Variants in PPP1CC observed in about 807,000 individuals in gnomAD.
The protein encoded by PPP1CC is serine/threonine-protein phosphatase PP1-gamma catalytic subunit.
PPP1CC carries 16 observed loss-of-function variants against 38.4 expected under a neutral mutation model. The observed-to-expected ratio is 0.42, with a 90% CI of 0.28 to 0.63. The LOEUF is 0.63. Ranked by LOEUF, PPP1CC falls within the 30% of genes least tolerant of loss-of-function variation. The pLI, the probability that PPP1CC is intolerant of heterozygous loss-of-function variation, is 0.25. For missense variants in PPP1CC, 170 were observed against 391.3 expected, an observed-to-expected ratio of 0.43 and a Z score of 4.77; for synonymous variants, 158 against 136.0, an observed-to-expected ratio of 1.16 and a Z score of -1.13.
In PPP1CC at chr12:110,724,265, C is replaced by A. The variant is rs192994652; in HGVS notation, c.523+395G>T. On this transcript the variant is annotated intron_variant, in intron 4 of 6. Coordinates refer to ENST00000335007, the MANE Select transcript of PPP1CC (RefSeq NM_002710.4). ...AAAACAAAAACAAAAACAAAAAAAA[C>A]CAAAAACTTTTCTAAGCCGGGCACA... is the stretch of plus-strand genomic sequence containing the variant. Among the ~76,000 whole-genome samples, 727 of 151,698 alleles carry A rather than the reference C, an allele frequency of 4.8e-3. 8 individuals carry two copies. The highest frequency in any genetic ancestry group is 4.8e-3 in the Non-Finnish European group (328 of 67,888).
chr12:110,731,456 A>G (rs2069871307), intron 2 of PPP1CC, among the ~76,000 whole-genome samples: 1 of 152,128 alleles, frequency 6.6e-6, no homozygotes, highest in African/African-American at 2.4e-5. Context: ...GTGTTGCTTT[A>G]AACTTAAACA....
chr12:110,735,300 A>C lies in PPP1CC; in HGVS notation c.56-3399T>G, dbSNP rs144921110. On this transcript the variant is annotated intron_variant, in intron 1 of 6. Transcript: ENST00000335007. ...TTTACTGAGCACTTATCCACTAGGC[A>C]CTGTACTAAGGGCTTTATATTGCCA... Among the ~76,000 whole-genome samples the C allele has an allele frequency of 5.3e-4, 80 of 152,238 alleles. No homozygotes were observed. In the East Asian group the frequency reaches 0.014, roughly 27 times the overall value.
the PPP1CC span, among the ~76,000 whole-genome samples, chr12:110,711,615 T>C: frequency 6.6e-6 from 1 of 152,038 alleles, no homozygotes; most frequent in South Asian, 2.1e-4. Flanking sequence ...TTCTTTTGTA[T>C]TAAGACATTT....
chr12:110,741,253 A>AT (rs2070014285), intron 1 of PPP1CC, among the ~76,000 whole-genome samples: 1 of 152,126 alleles, frequency 6.6e-6, no homozygotes, highest in African/African-American at 2.4e-5. Flanking sequence ...AAAGGACGAG[A>AT]TATTTTCAGG....
intron 1 of PPP1CC, among the ~76,000 whole-genome samples, chr12:110,733,592 G>A (rs2069907471): frequency 6.6e-6 from 1 of 152,088 alleles, no homozygotes; most frequent in South Asian, 2.1e-4. Flanking sequence ...TCAGAGATCA[G>A]TAAAAAGCAA....
chr12:110,740,152 T>A (rs1204205191), intron 1 of PPP1CC, among the ~76,000 whole-genome samples: 1 of 152,198 alleles, frequency 6.6e-6, no homozygotes, highest in African/African-American at 2.4e-5. Context: ...CTCAACTAGG[T>A]TATACTGCTC....
intron 6 of PPP1CC, 136 bp downstream of exon 6, chr12:110,721,999 T>C (rs528530740): frequency 9.8e-7 from 1 of 1,016,202 alleles, no homozygotes; most frequent in African/African-American, 1.6e-5. Flanking sequence ...TCAACTATAA[T>C]ACACACTGGT....
rs78987759 is a variant in PPP1CC at position 110,742,425 on chromosome 12, G to A, written c.55+228C>T. The stretch of plus-strand genomic sequence containing the variant: ...CGGCCGGGAGGAAGCCTGCATCCTC[G>A]TGCAATGAATGAGCGGAGCCTGGAG... On this transcript the variant is annotated intron_variant, in intron 1 of 6. Transcript: ENST00000335007. Among the ~76,000 whole-genome samples the A allele has an allele frequency of 8.6e-4, 131 of 152,270 alleles. 1 individual carries two copies. The East Asian group carries it at 0.018, about 21-fold the overall frequency.
At position 110,719,912 on chromosome 12, in the gene PPP1CC, A is replaced by G; in HGVS notation, c.*1164T>C. On this transcript the variant is annotated 3_prime_UTR_variant, in exon 7 of 7. Coordinates refer to ENST00000335007, the MANE Select transcript of PPP1CC (RefSeq NM_002710.4). ...AAATAGACACTGAGAAGATTTAACA[A>G]GTTCATCATTTAATAAGTCTGAATT... 2.0e-6 allele frequency: 1 copy of G among 493,962 alleles called. No individual in the cohort carries two copies. The highest frequency in any genetic ancestry group is 3.5e-5 in the South Asian group (1 of 28,854). 30.6% of individuals were successfully genotyped at this position (493,962 alleles called of 1,614,324 possible).
rs749688578 is a variant in PPP1CC at position 110,730,646 on chromosome 12, A to G, written c.301T>C (p.Leu101=). The G allele has an allele frequency of 6.2e-7, 1 of 1,614,178 alleles. No homozygotes were observed. Among genetic ancestry groups the G allele is most frequent in the East Asian group, 2.2e-5 (1 of 44,884 alleles). The part of the protein sequence containing the change: ...GDYVDRGKQS[L]ETICLLLAYK... Reference sequence around the variant, plus strand: ...GCCAGTAAGAGGCAGATCGTCTCCAATGACTGCTTTCCCCTGTCCACATAG... The same window carrying G: ...GCCAGTAAGAGGCAGATCGTCTCCAGTGACTGCTTTCCCCTGTCCACATAG... The change falls in exon 3 of 7, where the codon TTG becomes CTG. Residue 101 remains leucine (L), a synonymous_variant. Coordinates refer to ENST00000335007, the MANE Select transcript of PPP1CC (RefSeq NM_002710.4).
intron 4 of PPP1CC, 107 bp downstream of exon 4, chr12:110,724,553 G>C: frequency 2.9e-6 from 2 of 688,126 alleles, no homozygotes. Context: ...CAACAAAGGA[G>C]AGTGTTCTGT....
At chr12:110,709,206 C>G in the PPP1CC span, among the ~76,000 whole-genome samples, 1 of 152,056 alleles carries the variant, frequency 6.6e-6, no homozygotes, top group Non-Finnish European at 1.5e-5. Context: ...CATAAAATAA[C>G]CATGTTTATT....
intron 4 of PPP1CC, among the ~76,000 whole-genome samples, chr12:110,723,332 G>T (rs1490874044): frequency 6.6e-6 from 1 of 151,766 alleles, no homozygotes; most frequent in African/African-American, 2.4e-5. Flanking sequence ...TAAAAACCAT[G>T]TATCCAACTC....
intron 3 of PPP1CC, among the ~76,000 whole-genome samples, chr12:110,729,866 T>G (rs2069852410): frequency 6.6e-6 from 1 of 152,194 alleles, no homozygotes; most frequent in African/African-American, 2.4e-5. Flanking sequence ...TGGAATGAAA[T>G]TACATAATAA....
At chr12:110,711,896 G>A in the PPP1CC span, among the ~76,000 whole-genome samples, 2 of 152,118 alleles carry the variant, frequency 1.3e-5, no homozygotes, top group African/African-American at 4.8e-5. Flanking sequence ...TTGCACTCCA[G>A]CCTGGGCAAC....
the PPP1CC span, among the ~76,000 whole-genome samples, chr12:110,711,817 T>C: frequency 6.6e-6 from 1 of 151,702 alleles, no homozygotes; most frequent in African/African-American, 2.4e-5. Context: ...CCCAGCTACT[T>C]GGGAGGCCGA....
In PPP1CC at chr12:110,722,255, T is replaced by A. The variant is rs375126500; in HGVS notation, c.762A>T (p.Gly254=). Residue 254 remains glycine, a synonymous_variant, in exon 6 of 7, where the codon GGA becomes GGT. Transcript: ENST00000335007. The surrounding 1 kb of genome is among the most constrained non-coding windows in gnomAD (Gnocchi z 5.4). ...ICRAHQVVED[G]YEFFAKRQLV... ...ACTGCCTCTTTGCAAAAAATTCATA[T>A]CCATCTTCAACCACCTTGAAGAGAA... 2.9e-5 allele frequency: 47 copies of A among 1,613,934 alleles called. No individual in the cohort carries two copies. Among genetic ancestry groups the A allele is most frequent in the Non-Finnish European group, 3.9e-5 (46 of 1,179,998 alleles).
intron 1 of PPP1CC, among the ~76,000 whole-genome samples, chr12:110,736,892 C>G (rs894359932): frequency 6.6e-6 from 1 of 152,086 alleles, no homozygotes; most frequent in African/African-American, 2.4e-5. Context: ...TAAAAAAGCC[C>G]TAGCTGAATT....
chr12:110,727,761 T>A (rs959358235), intron 3 of PPP1CC, among the ~76,000 whole-genome samples: 1 of 152,178 alleles, frequency 6.6e-6, no homozygotes, highest in African/African-American at 2.4e-5. Flanking sequence ...ATATATTAAA[T>A]GTCTGCAAGC....
Sources: gnomAD v4.1 joint callset for allele counts (sites outside exome capture counted in the v4.1 genomes callset) on GRCh38, gnomAD v4.1.1 for gene constraint, Gnocchi (gnomAD v3.1) non-coding constraint, MANE v1.5 for transcripts, NCBI Gene and HGNC (gene_info 2026-07-23, HGNC 2026-07-21) for gene names.